Variants in SDK2 observed in about 807,000 individuals in gnomAD.
SDK2 encodes protein sidekick-2.
A neutral mutation model predicts 253.9 loss-of-function variants in SDK2; 105 were observed. That is an observed-to-expected ratio of 0.41 (90% CI 0.35 to 0.49). The LOEUF (loss-of-function observed/expected upper bound fraction) is 0.49. Among genes scored for constraint, SDK2 ranks in the 20% least tolerant of loss-of-function variants. SDK2 has a pLI of 0.06. For synonymous variants in SDK2, 1,249 were observed against 1,234.9 expected, an observed-to-expected ratio of 1.01 and a Z score of -0.24; for missense variants, 2,608 against 3,003.0, an observed-to-expected ratio of 0.87 and a Z score of 3.07.
rs556426001 is a variant in SDK2 at position 73,503,885 on chromosome 17, T to C, written c.224+3553A>G. Among the ~76,000 whole-genome samples the C allele has an allele frequency of 2.0e-5, 3 of 152,256 alleles. No homozygotes were observed. In the South Asian group the frequency reaches 6.2e-4, roughly 32 times the overall value. On this transcript the variant is annotated intron_variant, in intron 2 of 44. Transcript: ENST00000392650. ...AAACTTCCAGAAAAGTTCTTTCTAC[T>C]CAGAAATCAGGCAGCTATAGCTTGT...
rs763265302 is a variant in SDK2, at chr17:73,431,700, G to A, written c.1313-31C>T. 4.5e-6 allele frequency: 7 copies of A among 1,571,514 alleles called. No individual in the cohort carries two copies. Among genetic ancestry groups the A allele is most frequent in the Non-Finnish European group, 4.3e-6 (5 of 1,158,406 alleles). ...GGCAAAACAGGGTGGGGGTCAGCCT[G>A]TAGCCCCCAAGGGCACACCCTGCCC... is the stretch of plus-strand genomic sequence containing the variant. On this transcript the variant is annotated intron_variant, in intron 10 of 44. Transcript: ENST00000392650. The surrounding 1 kb of genome is among the most constrained non-coding windows in gnomAD (Gnocchi z 5.6).
Position 73,336,524 on chromosome 17 carries a change from C to T in SDK2, c.*2063G>A, listed in dbSNP as rs868837. 0.32 allele frequency: 48,048 copies of T among 152,506 alleles called. 8,129 individuals are homozygous for T. Among genetic ancestry groups the T allele is most frequent in the Middle Eastern group, 0.41 (121 of 294 alleles). 9.4% of individuals were successfully genotyped at this position (152,506 alleles called of 1,614,324 possible). On this transcript the variant is annotated 3_prime_UTR_variant, in exon 45 of 45. Transcript: ENST00000392650. ...GCTGAGCCATCTTCCAGCATCTCCC[C>T]GTTCACATTTCCCAGGGGTCAAGTG...
Position 73,383,351 on chromosome 17 carries a change from C to T in SDK2, c.4705+525G>A, listed in dbSNP as rs2062847425. Among the ~76,000 whole-genome samples the T allele has an allele frequency of 6.6e-6, 1 of 152,226 alleles. No individual in the cohort carries two copies. Among genetic ancestry groups the T allele is most frequent in the Non-Finnish European group, 1.5e-5 (1 of 68,036 alleles). The stretch of plus-strand genomic sequence containing the variant: ...GCTCCCCTCTTTCCTTCCTTTGCTC[C>T]AGGGGACAGGCAGGGCAGTGGCTTC... On this transcript the variant is annotated intron_variant, in intron 33 of 44. Transcript: ENST00000392650. This position sits in a 1 kb window ranked among gnomAD's most constrained non-coding sequence, Gnocchi z 4.3.
intron 1 of SDK2, chr17:73,517,046 C>T (rs1369332346): frequency 6.6e-6 from 1 of 152,166 alleles, no homozygotes; most frequent in Non-Finnish European, 1.5e-5. Context: ...AAAAAAGTCA[C>T]AGAGAAAAGC....
rs969296783 is a variant in SDK2 at position 73,443,355 on chromosome 17, G to A, written c.614-2432C>T. ...AAAAGCCTCATGTAGGTGCCATAAC[G>A]AGCGATCGGATTGAAAGCTGCTGAT... On this transcript the variant is annotated intron_variant, in intron 5 of 44. Coordinates refer to ENST00000392650, the MANE Select transcript of SDK2 (RefSeq NM_001144952.2). This position sits in a 1 kb window ranked among gnomAD's most constrained non-coding sequence, Gnocchi z 4.6. Among the ~76,000 whole-genome samples the A allele has an allele frequency of 3.3e-5, 5 of 152,240 alleles. No homozygotes were observed. Among genetic ancestry groups the A allele is most frequent in the African/African-American group, 9.6e-5 (4 of 41,458 alleles).
chr17:73,349,986 T>C (rs2062519901), intron 43 of SDK2, among the ~76,000 whole-genome samples: 1 of 142,056 alleles, frequency 7.0e-6, no homozygotes, highest in African/African-American at 2.5e-5. Flanking sequence ...AGCTACCTCC[T>C]TGTAAATTTC....
chr17:73,597,167 G>A (rs1599712866), intron 1 of SDK2, among the ~76,000 whole-genome samples: 1 of 152,290 alleles, frequency 6.6e-6, no homozygotes, highest in African/African-American at 2.4e-5. Context: ...GATGGGTTTT[G>A]GATATTTTCA....
intron 4 of SDK2, among the ~76,000 whole-genome samples, chr17:73,454,992 C>T (rs940372856): frequency 6.6e-5 from 10 of 152,172 alleles, no homozygotes; most frequent in African/African-American, 2.2e-4. Flanking sequence ...TGTGAGCCGC[C>T]GCGTCCGGCC....
chr17:73,380,968 CG>C lies in SDK2; in HGVS notation c.4706-19del. 2 of 618,830 alleles carry C rather than the reference CG, an allele frequency of 3.2e-6. No individual in the cohort carries two copies. The highest frequency in any genetic ancestry group is 2.8e-6 in the Non-Finnish European group (1 of 353,916). 38.3% of individuals were successfully genotyped at this position (618,830 alleles called of 1,614,324 possible). A position where few individuals can be genotyped will look rare whatever the true frequency, so the allele number is the denominator to read the frequency against. Reference sequence around the variant, plus strand: ...GTACATGGCTATGGGGTGGGGGTGCCGGGGCGGGGGCGCAGAGGGAGACAGC... The same window carrying C: ...GTACATGGCTATGGGGTGGGGGTGCCGGGCGGGGGCGCAGAGGGAGACAGC... On this transcript the variant is annotated intron_variant, in intron 33 of 44. Transcript: ENST00000392650.
chr17:73,557,080 C>A (rs562423250), intron 1 of SDK2, among the ~76,000 whole-genome samples: 2 of 152,358 alleles, frequency 1.3e-5, no homozygotes, highest in African/African-American at 4.8e-5. Context: ...CCAGAATATT[C>A]TGGCTGTATA....
At chr17:73,356,777 G>T (rs960990718) in intron 40 of SDK2, among the ~76,000 whole-genome samples, 1 of 152,220 alleles carries the variant, frequency 6.6e-6, no homozygotes, top group Non-Finnish European at 1.5e-5. Context: ...TTCTCACAGG[G>T]CCCTGGCTTG....
chr17:73,622,824 T>C (rs2046149984), intron 1 of SDK2, among the ~76,000 whole-genome samples: 1 of 152,206 alleles, frequency 6.6e-6, no homozygotes, highest in South Asian at 2.1e-4. Flanking sequence ...CTGGTTTTCA[T>C]TTTTTGGGGC....
chr17:73,438,070 G>T lies in SDK2; in HGVS notation c.810C>A (p.Thr270=). 1.3e-6 allele frequency: 2 copies of T among 1,551,700 alleles called. No individual in the cohort carries two copies. Among genetic ancestry groups the T allele is most frequent in the Non-Finnish European group, 1.7e-6 (2 of 1,147,002 alleles). ...GGISDHNRRL[T]IPNPTGSDAG... ...CGTCACTGCCGGTGGGGTTGGGGAT[G>T]GTGAGCCGGCGGTTGTGGTCACTGA... Residue 270 remains threonine, a synonymous_variant, in exon 7 of 45, where the codon ACC becomes ACA. Transcript: ENST00000392650.
At position 73,401,188 on chromosome 17, in the gene SDK2, A is replaced by G; in HGVS notation, c.2803T>C (p.Tyr935His). Residue 935 changes from tyrosine to histidine, a missense_variant, in exon 21 of 45, where the codon TAC becomes CAC. By Grantham distance (83) the Tyr-to-His change is moderately conservative. Coordinates refer to ENST00000392650, the MANE Select transcript of SDK2 (RefSeq NM_001144952.2). ...GTCACACGGGTGTTGGTTCGATTGT[A>G]CTCCTCCCAGGAGATCCGGTACCCT... The part of the protein sequence containing the change: ...LTGYRISWEE[Y>H]NRTNTRVTHY... 6.4e-7 allele frequency: 1 copy of G among 1,553,154 alleles called. No homozygotes were observed. The highest frequency in any genetic ancestry group is 8.7e-7 in the Non-Finnish European group (1 of 1,148,124).
At chr17:73,638,486 A>T (rs908008213) in intron 1 of SDK2, among the ~76,000 whole-genome samples, 3 of 152,154 alleles carry the variant, frequency 2.0e-5, no homozygotes, top group African/African-American at 7.2e-5. Context: ...TGGAGGAAAC[A>T]AGGGTGAACT....
At chr17:73,386,682 C>T in intron 30 of SDK2, 134 bp from the exon 31 acceptor site, 2 of 641,018 alleles carry the variant, frequency 3.1e-6, no homozygotes, top group Non-Finnish European at 5.6e-6. Context: ...CACAGAAGGG[C>T]ACACTGAGGC....
rs1183053528 is a variant in SDK2, at chr17:73,379,705, G to A, written c.4763-156C>T. ...GTGCATGAAGGAGGAGGTGAGAGGC[G>A]GGGCCCCCAGGGGACGCTCTGTGCC... is the stretch of plus-strand genomic sequence containing the variant. On this transcript the variant is annotated intron_variant, in intron 34 of 44. Transcript: ENST00000392650. This position sits in a 1 kb window ranked among gnomAD's most constrained non-coding sequence, Gnocchi z 4.5. Among the ~76,000 whole-genome samples the A allele has an allele frequency of 1.3e-5, 2 of 152,122 alleles. No homozygotes were observed. Among genetic ancestry groups the A allele is most frequent in the Non-Finnish European group, 2.9e-5 (2 of 67,994 alleles).
At chr17:73,564,961 C>T (rs1342417526) in intron 1 of SDK2, among the ~76,000 whole-genome samples, 1 of 152,158 alleles carries the variant, frequency 6.6e-6, no homozygotes, top group African/African-American at 2.4e-5. Context: ...CTGCCTGAGG[C>T]ATTGGAGAAC....
intron 2 of SDK2, among the ~76,000 whole-genome samples, chr17:73,494,496 C>T (rs781759565): frequency 1.3e-5 from 2 of 152,174 alleles, no homozygotes; most frequent in African/African-American, 2.4e-5. Context: ...GGACCCGTTA[C>T]GGAGAGTGTG....
Sources: allele counts gnomAD v4.1 joint callset (sites outside exome capture counted in the v4.1 genomes callset), GRCh38; gene constraint gnomAD v4.1.1; non-coding constraint Gnocchi (gnomAD v3.1); transcripts MANE v1.5; gene names NCBI Gene and HGNC (gene_info 2026-07-23, HGNC 2026-07-21).